TASP1: variants seen among roughly 807,000 people sequenced by gnomAD.
The protein encoded by TASP1 is threonine aspartase 1.
In TASP1, 16 loss-of-function variants were observed where a neutral mutation model predicts 56.6. That is an observed-to-expected ratio of 0.28 (90% confidence interval 0.19 to 0.43). The LOEUF (loss-of-function observed/expected upper bound fraction) is 0.43. Among genes scored for constraint, TASP1 ranks in the 20% least tolerant of loss-of-function variants. TASP1 has a pLI of 1.00. For synonymous variants in TASP1, 179 were observed against 184.2 expected (o/e 0.97, Z 0.23); for missense variants, 393 against 511.6 (o/e 0.77, Z 2.24).
the TASP1 span, among the ~76,000 whole-genome samples, chr20:13,188,372 T>G: frequency 4.6e-5 from 7 of 152,078 alleles, no homozygotes; most frequent in Admixed American, 6.5e-5. Flanking sequence ...CATACAAAAA[T>G]CAATAGCATT....
intron 10 of TASP1, among the ~76,000 whole-genome samples, chr20:13,492,205 A>C (rs1004179661): frequency 6.6e-6 from 1 of 152,202 alleles, no homozygotes; most frequent in Non-Finnish European, 1.5e-5. Flanking sequence ...TATTTATGTC[A>C]TCTTATAAAT....
chr20:13,122,601 A>G, the TASP1 span, among the ~76,000 whole-genome samples: 1 of 152,224 alleles, frequency 6.6e-6, no homozygotes, highest in Non-Finnish European at 1.5e-5. Context: ...TGTTCTGTCT[A>G]TAAAATGGGA....
the TASP1 span, among the ~76,000 whole-genome samples, chr20:13,298,007 G>A: frequency 1.3e-5 from 2 of 152,108 alleles, no homozygotes; most frequent in Non-Finnish European, 2.9e-5. Context: ...TCCATATGTG[G>A]CAAAATCAAA....
intron 6 of TASP1, among the ~76,000 whole-genome samples, chr20:13,578,011 G>T (rs1236103405): frequency 6.6e-6 from 1 of 152,134 alleles, no homozygotes; most frequent in Admixed American, 6.5e-5. Context: ...AAGGCATTTT[G>T]TCTCAGGATA....
chr20:13,398,491 C>A (rs560621210), intron 13 of TASP1, among the ~76,000 whole-genome samples: 2 of 152,296 alleles, frequency 1.3e-5, no homozygotes, highest in African/African-American at 4.8e-5. Context: ...AAGGTTCAGA[C>A]ATCCTGCATT....
At chr20:13,268,880 C>T in the TASP1 span, among the ~76,000 whole-genome samples, 1 of 152,136 alleles carries the variant, frequency 6.6e-6, no homozygotes, top group African/African-American at 2.4e-5. Context: ...TGCCACTGCA[C>T]TCCAGCCTGG....
chr20:13,407,151 T>A (rs1041654692), intron 13 of TASP1, among the ~76,000 whole-genome samples: 1 of 152,174 alleles, frequency 6.6e-6, no homozygotes, highest in Non-Finnish European at 1.5e-5. Context: ...AATTCAGTAG[T>A]TTTTAATATA....
the TASP1 span, among the ~76,000 whole-genome samples, chr20:13,193,539 G>C: frequency 3.3e-5 from 5 of 152,268 alleles, no homozygotes; most frequent in African/African-American, 1.2e-4. Context: ...GAGTTGTTAA[G>C]GTAGTTGCAT....
chr20:13,154,139 G>T, the TASP1 span: 2 of 1,613,970 alleles, frequency 1.2e-6, no homozygotes, highest in South Asian at 2.2e-5. Context: ...GTAAAGTAGC[G>T]TAAGTATCCA....
chr20:13,410,770 A>G (rs1441188461), intron 13 of TASP1, among the ~76,000 whole-genome samples: 1 of 152,022 alleles, frequency 6.6e-6, no homozygotes, highest in Non-Finnish European at 1.5e-5. Context: ...CTCCCATTCA[A>G]CTGGTTGTCT....
the TASP1 span, among the ~76,000 whole-genome samples, chr20:13,223,319 G>C: frequency 6.6e-6 from 1 of 152,036 alleles, no homozygotes; most frequent in East Asian, 1.9e-4. Flanking sequence ...TTACCGTAAA[G>C]AGAAAACTAA....
chr20:13,157,303 G>A, the TASP1 span, among the ~76,000 whole-genome samples: 1 of 151,886 alleles, frequency 6.6e-6, no homozygotes, highest in South Asian at 2.1e-4. Context: ...TGGGCATGGT[G>A]GCAGGCACCT....
the TASP1 span, among the ~76,000 whole-genome samples, chr20:13,358,012 C>G: frequency 1.3e-5 from 2 of 152,132 alleles, no homozygotes; most frequent in Non-Finnish European, 2.9e-5. Context: ...TGATGAAATT[C>G]CCCCACAAAA....
At chr20:13,156,067 C>T in the TASP1 span, among the ~76,000 whole-genome samples, 5,840 of 152,228 alleles carry the variant, frequency 0.038, 161 homozygotes, top group African/African-American at 0.08. Context: ...CATACAAACA[C>T]ACACACACAC....
At chr20:13,480,811 A>T (rs935526738) in intron 11 of TASP1, among the ~76,000 whole-genome samples, 19 of 152,080 alleles carry the variant, frequency 1.2e-4, no homozygotes, top group African/African-American at 4.6e-4. Context: ...TTATTTTTTA[A>T]CTTTTAATTT....
intron 4 of TASP1, among the ~76,000 whole-genome samples, chr20:13,622,254 C>T (rs956228347): frequency 6.6e-6 from 1 of 152,162 alleles, no homozygotes; most frequent in African/African-American, 2.4e-5. Flanking sequence ...GAATTACTAT[C>T]CTCATAAATA....
intron 8 of TASP1, among the ~76,000 whole-genome samples, chr20:13,535,373 G>A (rs574503807): frequency 6.6e-6 from 1 of 152,298 alleles, no homozygotes; most frequent in South Asian, 2.1e-4. Flanking sequence ...TTTACATCAA[G>A]TCTGTTAGGA....
At chr20:13,227,004 G>C in the TASP1 span, among the ~76,000 whole-genome samples, 1 of 152,106 alleles carries the variant, frequency 6.6e-6, no homozygotes, top group Non-Finnish European at 1.5e-5. Flanking sequence ...ATAGTGCAAG[G>C]ACATAAAGTG....
chr20:13,162,675 G>A, the TASP1 span, among the ~76,000 whole-genome samples: 1 of 152,160 alleles, frequency 6.6e-6, no homozygotes, highest in Non-Finnish European at 1.5e-5. Context: ...TGTGACAGTT[G>A]CTCATTCACC....
Sources: gnomAD v4.1 joint callset for allele counts (sites outside exome capture counted in the v4.1 genomes callset) on GRCh38, gnomAD v4.1.1 for gene constraint, MANE v1.5 for transcripts, NCBI Gene and HGNC (gene_info 2026-07-23, HGNC 2026-07-21) for gene names.